Variants in C7orf78 observed in about 807,000 individuals in gnomAD.
C7orf78 encodes the protein chromosome 7 open reading frame 78, also known as putative uncharacterized protein C7orf78.
chr7:12,488,285 C>T, the C7orf78 span, among the ~76,000 whole-genome samples: 3 of 152,170 alleles, frequency 2.0e-5, no homozygotes, highest in East Asian at 3.9e-4. Context: ...GAATTAGTAA[C>T]TTCAAGACAG....
chr7:12,497,717 T>C, the C7orf78 span, among the ~76,000 whole-genome samples: 2 of 151,984 alleles, frequency 1.3e-5, no homozygotes, highest in African/African-American at 4.8e-5. Flanking sequence ...AAGCTCGAAC[T>C]GGGTGGAGCC....
At chr7:12,524,827 T>TAATA in the C7orf78 span, among the ~76,000 whole-genome samples, 8,702 of 151,624 alleles carry the variant, frequency 0.057, 290 homozygotes, top group African/African-American at 0.096. Flanking sequence ...CAAAAAATAA[T>TAATA]AATAAATAAA....
chr7:12,509,104 G>A, the C7orf78 span, among the ~76,000 whole-genome samples: 348 of 152,226 alleles, frequency 2.3e-3, 1 homozygote, highest in African/African-American at 8.0e-3. Flanking sequence ...TCACTCACTG[G>A]TGCCAAAAAG....
chr7:12,539,864 A>C, the C7orf78 span, among the ~76,000 whole-genome samples: 2 of 152,170 alleles, frequency 1.3e-5, no homozygotes, highest in African/African-American at 4.8e-5. Context: ...AATCATGATG[A>C]ATGAGGGCTC....
the C7orf78 span, among the ~76,000 whole-genome samples, chr7:12,497,409 TC>T: frequency 6.6e-6 from 1 of 152,202 alleles, no homozygotes; most frequent in Non-Finnish European, 1.5e-5. Context: ...ATTGCCTCAC[TC>T]GGGAAGCGCA....
the C7orf78 span, among the ~76,000 whole-genome samples, chr7:12,484,286 A>G: frequency 6.6e-6 from 1 of 152,306 alleles, no homozygotes; most frequent in Non-Finnish European, 1.5e-5. Flanking sequence ...AAAATATGAG[A>G]TGGCTCAATT....
At chr7:12,516,743 G>A in the C7orf78 span, among the ~76,000 whole-genome samples, 128,401 of 152,156 alleles carry the variant, frequency 0.84, 54,359 homozygotes, top group East Asian at 0.92. Flanking sequence ...ATCATTTTGG[G>A]GCTTTAAAAT....
the C7orf78 span, chr7:12,528,999 A>G: frequency 2.5e-6 from 1 of 398,398 alleles, no homozygotes; most frequent in East Asian, 3.6e-5. Context: ...ATTCAAAACT[A>G]ATTTTGACGA....
At chr7:12,491,141 C>G in the C7orf78 span, 1 of 152,088 alleles carries the variant, frequency 6.6e-6, no homozygotes, top group Non-Finnish European at 1.5e-5. Context: ...ATGATGTCAG[C>G]AGAATTCTTC....
the C7orf78 span, among the ~76,000 whole-genome samples, chr7:12,520,993 T>A: frequency 6.6e-6 from 1 of 152,194 alleles, no homozygotes; most frequent in East Asian, 1.9e-4. Context: ...TTTTTACATT[T>A]TTTTATTTGA....
the C7orf78 span, among the ~76,000 whole-genome samples, chr7:12,501,363 G>A: frequency 6.7e-6 from 1 of 148,816 alleles, no homozygotes; most frequent in African/African-American, 2.5e-5. Flanking sequence ...TCCTTAAGCT[G>A]ATAAGCAACT....
chr7:12,507,055 CT>C, the C7orf78 span: 1 of 389,608 alleles, frequency 2.6e-6, no homozygotes, highest in Admixed American at 3.0e-5. Context: ...AATCCCAGCA[CT>C]TTGGGAGGCC....
chr7:12,525,868 T>C, the C7orf78 span: 1 of 397,174 alleles, frequency 2.5e-6, no homozygotes, highest in Non-Finnish European at 4.4e-6. Context: ...AAAGGACCCC[T>C]TTGGATTAAA....
chr7:12,529,131 T>C, the C7orf78 span: 1 of 397,362 alleles, frequency 2.5e-6, no homozygotes, highest in Non-Finnish European at 4.4e-6. Context: ...TTTTATTTGT[T>C]GTAGTGTAAA....
the C7orf78 span, chr7:12,541,206 T>A: frequency 2.0e-5 from 3 of 152,218 alleles, no homozygotes; most frequent in Admixed American, 2.0e-4. Flanking sequence ...TAATGTGCTT[T>A]CTGTTAATGT....
chr7:12,496,702 T>G, the C7orf78 span: 1 of 152,248 alleles, frequency 6.6e-6, no homozygotes, highest in African/African-American at 2.4e-5. Flanking sequence ...TAATCTATTT[T>G]TGTACCCTAA....
At chr7:12,511,017 C>T in the C7orf78 span, among the ~76,000 whole-genome samples, 4 of 152,056 alleles carry the variant, frequency 2.6e-5, no homozygotes, top group South Asian at 6.2e-4. Context: ...TTTATAATTT[C>T]AGGTTTTATG....
At chr7:12,525,142 C>G in the C7orf78 span, among the ~76,000 whole-genome samples, 1 of 152,126 alleles carries the variant, frequency 6.6e-6, no homozygotes, top group Non-Finnish European at 1.5e-5. Context: ...GCAGGTCACT[C>G]ATTAAGAATA....
chr7:12,537,602 C>G, the C7orf78 span, among the ~76,000 whole-genome samples: 1 of 152,106 alleles, frequency 6.6e-6, no homozygotes, highest in African/African-American at 2.4e-5. Context: ...TAACCTATGA[C>G]ACAAAATTCC....
Sources: allele counts gnomAD v4.1 joint callset (sites outside exome capture counted in the v4.1 genomes callset), GRCh38; gene constraint gnomAD v4.1.1; transcripts MANE v1.5; gene names NCBI Gene and HGNC (gene_info 2026-07-23, HGNC 2026-07-21).